CACNA1B: variants seen among roughly 807,000 people sequenced by gnomAD.
The protein encoded by CACNA1B is voltage-dependent N-type calcium channel subunit alpha-1B.
In CACNA1B, 70 loss-of-function variants were observed where a neutral mutation model predicts 247.2. The observed-to-expected ratio is 0.28, with a 90% CI of 0.23 to 0.35. The LOEUF (loss-of-function observed/expected upper bound fraction) is 0.35. Among genes scored for constraint, CACNA1B ranks in the 10% least tolerant of loss-of-function variants. The probability of loss-of-function intolerance (pLI) is 1.00; values close to 1 mark genes in which losing one functional copy is unlikely to be tolerated. For missense variants in CACNA1B, 2,367 were observed against 3,197.4 expected, an observed-to-expected ratio of 0.74 and a Z score of 6.26; for synonymous variants, 1,231 against 1,294.4, an observed-to-expected ratio of 0.95 and a Z score of 1.05.
chr9:138,009,567 C>T (rs1958698349), intron 16 of CACNA1B, among the ~76,000 whole-genome samples: 1 of 152,186 alleles, frequency 6.6e-6, no homozygotes, highest in Admixed American at 6.5e-5. Context: ...CCACCTGGAG[C>T]CTGTGGAGTA....
At chr9:137,945,703 T>C (rs772428533) in intron 6 of CACNA1B, among the ~76,000 whole-genome samples, 44 of 152,268 alleles carry the variant, frequency 2.9e-4, no homozygotes, top group Non-Finnish European at 5.3e-4. Flanking sequence ...CCTCTAAACT[T>C]AGGCAACATA....
intron 7 of CACNA1B, among the ~76,000 whole-genome samples, chr9:137,953,552 C>T (rs1353468607): frequency 1.3e-5 from 2 of 152,164 alleles, no homozygotes; most frequent in African/African-American, 4.8e-5. Context: ...CCATGGGAAC[C>T]AGCAAGCGAC....
At chr9:138,082,462 T>C (rs1426016433) in intron 36 of CACNA1B, among the ~76,000 whole-genome samples, 1 of 151,276 alleles carries the variant, frequency 6.6e-6, no homozygotes, top group East Asian at 2.0e-4. Flanking sequence ...AAACAGTTGA[T>C]TGGTTACAGC....
chr9:137,992,574 C>G (rs139442652), intron 15 of CACNA1B, among the ~76,000 whole-genome samples: 185 of 152,094 alleles, frequency 1.2e-3, no homozygotes, highest in African/African-American at 4.3e-3. Context: ...TAAACTATAC[C>G]CTACAACAAA....
At position 138,122,712 on chromosome 9, in the gene CACNA1B, G is replaced by C. The variant is rs1385412226; in HGVS notation, c.*713G>C. 2.6e-5 allele frequency: 4 copies of C among 152,272 alleles called. No homozygotes were observed. The highest frequency in any genetic ancestry group is 4.1e-4 in the South Asian group (2 of 4,830). 9.4% of individuals were successfully genotyped at this position (152,272 alleles called of 1,614,324 possible). ...TCAAACCTGTGAAAGAAAGATGTCA[G>C]CTTTTTGCCACGTGTCTTTGTGGCT... On this transcript the variant is annotated 3_prime_UTR_variant, in exon 47 of 47. Transcript: ENST00000371372.
chr9:138,075,755 G>T, intron 34 of CACNA1B, 64 bp from the exon 35 acceptor site: 1 of 1,061,240 alleles, frequency 9.4e-7, no homozygotes. Context: ...TCTCTGGCTC[G>T]GTCCACCTGG....
chr9:138,033,116 T>C (rs1478523079), intron 20 of CACNA1B, among the ~76,000 whole-genome samples: 1 of 152,178 alleles, frequency 6.6e-6, no homozygotes, highest in Non-Finnish European at 1.5e-5. Flanking sequence ...TTTCTATTAT[T>C]CTATCTTCCA....
rs1036872805 is a variant in CACNA1B at position 138,007,804 on chromosome 9, G to A, written c.2092+920G>A. ...GACAATGTCTCACAGTCGACCTCCC[G>A]GCTCTGCTTCTACCCCGAACTTCTC... On this transcript the variant is annotated intron_variant, in intron 16 of 46. Transcript: ENST00000371372. The surrounding 1 kb of genome is among the most constrained non-coding windows in gnomAD (Gnocchi z 4.1). Among the ~76,000 whole-genome samples, 5 of 152,126 alleles carry A rather than the reference G, an allele frequency of 3.3e-5. No individual in the cohort carries two copies. The highest frequency in any genetic ancestry group is 1.3e-4 in the Admixed American group (2 of 15,282).
chr9:138,096,677 C>T (rs1961067035), intron 37 of CACNA1B, 66 bp downstream of exon 37: 2 of 1,512,512 alleles, frequency 1.3e-6, no homozygotes, highest in Non-Finnish European at 1.8e-6. Flanking sequence ...TGGGATGGGC[C>T]TGGTGGCTTC....
At chr9:138,033,339 A>C (rs1423908472) in intron 20 of CACNA1B, among the ~76,000 whole-genome samples, 1 of 151,864 alleles carries the variant, frequency 6.6e-6, no homozygotes, top group Non-Finnish European at 1.5e-5. Context: ...CATTTTTATA[A>C]TGGGTGTTTT....
intron 10 of CACNA1B, among the ~76,000 whole-genome samples, chr9:137,963,102 T>G (rs1958037998): frequency 6.6e-6 from 1 of 152,224 alleles, no homozygotes; most frequent in African/African-American, 2.4e-5. Flanking sequence ...ACTTAGCTCT[T>G]CTTGTTGAAT....
intron 10 of CACNA1B, among the ~76,000 whole-genome samples, chr9:137,960,233 C>CACCA (rs1957998907): frequency 8.3e-6 from 1 of 119,946 alleles, no homozygotes; most frequent in African/African-American, 3.2e-5. Flanking sequence ...GGAGGGAAGC[C>CACCA]GGGAGAGGGG....
At chr9:137,953,064 C>T (rs1452659331) in intron 7 of CACNA1B, among the ~76,000 whole-genome samples, 1 of 152,202 alleles carries the variant, frequency 6.6e-6, no homozygotes, top group East Asian at 1.9e-4. Flanking sequence ...AAAGAGTCCT[C>T]TCTGGGAGTG....
rs534624655 is a variant in CACNA1B at position 137,940,034 on chromosome 9, TCAAACC to T, written c.967-12231_967-12226del. ...AATGAACTAAAGAAACAAGAACAAA[TCAAACC>T]CAAACCCAGCAGAAGAAAGAGATAA... On this transcript the variant is annotated intron_variant, in intron 6 of 46. Coordinates refer to ENST00000371372, the MANE Select transcript of CACNA1B (RefSeq NM_000718.4). 2.9e-4 allele frequency among the ~76,000 whole-genome samples: 44 copies of T among 149,974 alleles called. No homozygotes were observed. In the East Asian group the frequency reaches 8.5e-3, roughly 29 times the overall value.
rs148235070 is a variant in CACNA1B, at chr9:138,051,312, A to T, written c.3711-780A>T. Among the ~76,000 whole-genome samples, 2 of 151,598 alleles carry T rather than the reference A, an allele frequency of 1.3e-5. No individual in the cohort carries two copies. Among genetic ancestry groups the T allele is most frequent in the East Asian group, 3.9e-4 (2 of 5,076 alleles). ...CTTTTTCTTGGAGGGGCCCTGATTGAGGCCCTCTGGTTCTGTACTTCTGCT... is the reference window on the plus strand; with the variant it reads ...CTTTTTCTTGGAGGGGCCCTGATTGTGGCCCTCTGGTTCTGTACTTCTGCT... On this transcript the variant is annotated intron_variant, in intron 24 of 46. Coordinates refer to ENST00000371372, the MANE Select transcript of CACNA1B (RefSeq NM_000718.4). This position sits in a 1 kb window ranked among gnomAD's most constrained non-coding sequence, Gnocchi z 4.3.
In CACNA1B at chr9:138,102,392, C is replaced by T. The variant is rs1025832426; in HGVS notation, c.5223-319C>T. On this transcript the variant is annotated intron_variant, in intron 37 of 46. Coordinates refer to ENST00000371372, the MANE Select transcript of CACNA1B (RefSeq NM_000718.4). This position sits in a 1 kb window ranked among gnomAD's most constrained non-coding sequence, Gnocchi z 5.4. ...AAATCAGAAATTATCAACCCAAAGC[C>T]GCCCCGATGCAGCCCTTCCTCACCC... Among the ~76,000 whole-genome samples, 1 of 152,062 alleles carries T rather than the reference C, an allele frequency of 6.6e-6. No homozygotes were observed. The highest frequency in any genetic ancestry group is 1.5e-5 in the Non-Finnish European group (1 of 68,010).
In CACNA1B at chr9:137,892,942, C is replaced by G. The variant is rs145730546; in HGVS notation, c.530+10059C>G. 1.2e-3 allele frequency among the ~76,000 whole-genome samples: 180 copies of G among 152,376 alleles called. 1 individual carries two copies. Among genetic ancestry groups the G allele is most frequent in the Non-Finnish European group, 2.2e-3 (152 of 68,038 alleles). On this transcript the variant is annotated intron_variant, in intron 3 of 46. Transcript: ENST00000371372. ...AGGTGCGTGGGCTCCCAGAGCCCGA[C>G]AGGCCTGAAACGCCCAGACACACAG...
intron 20 of CACNA1B, among the ~76,000 whole-genome samples, chr9:138,029,606 T>C (rs889718185): frequency 2.5e-5 from 3 of 119,006 alleles, no homozygotes; most frequent in African/African-American, 9.9e-5. Context: ...TGTTTTTCTT[T>C]TCCTTTTTTT....
chr9:137,952,129 C>A lies in CACNA1B; in HGVS notation c.967-145C>A. ...CCTGGACTCCAGCCCCATGCTTGGA[C>A]CTCCCTGTGACTGGCCTCCCCACTG... On this transcript the variant is annotated intron_variant, in intron 6 of 46. Coordinates refer to ENST00000371372, the MANE Select transcript of CACNA1B (RefSeq NM_000718.4). The surrounding 1 kb of genome is among the most constrained non-coding windows in gnomAD (Gnocchi z 4.8). 1 of 653,374 alleles carries A rather than the reference C, an allele frequency of 1.5e-6. No homozygotes were observed. The highest frequency in any genetic ancestry group is 1.7e-5 in the South Asian group (1 of 57,726). 40.5% of individuals were successfully genotyped at this position (653,374 alleles called of 1,614,324 possible). A position where few individuals can be genotyped will look rare whatever the true frequency, so the allele number is the denominator to read the frequency against.
Sources: gnomAD v4.1 joint callset for allele counts (sites outside exome capture counted in the v4.1 genomes callset) on GRCh38, gnomAD v4.1.1 for gene constraint, Gnocchi (gnomAD v3.1) non-coding constraint, MANE v1.5 for transcripts, NCBI Gene and HGNC (gene_info 2026-07-23, HGNC 2026-07-21) for gene names.